Variants in SPOCK3 observed in about 807,000 individuals in gnomAD.
The protein encoded by SPOCK3 is SPARC (osteonectin), cwcv and kazal like domains proteoglycan 3.
A neutral mutation model predicts 56.6 loss-of-function variants in SPOCK3; 30 were observed. That is an observed-to-expected ratio of 0.53 (90% CI 0.40 to 0.72). The LOEUF (loss-of-function observed/expected upper bound fraction) is 0.72. SPOCK3 is among the 30% of genes least tolerant of loss of function. The pLI is 0.00. For missense variants in SPOCK3, 527 were observed against 530.0 expected (o/e 0.99, Z 0.06); for synonymous variants, 196 against 183.3 (o/e 1.07, Z -0.56).
chr4:167,135,687 G>A (rs1260924300), intron 2 of SPOCK3, among the ~76,000 whole-genome samples: 3 of 31,350 alleles, frequency 9.6e-5, no homozygotes, highest in African/African-American at 2.6e-4. Flanking sequence ...AAACGTGTGT[G>A]TGTGTGTGTG....
At chr4:167,217,375 G>A (rs1735469720) in intron 2 of SPOCK3, among the ~76,000 whole-genome samples, 1 of 150,816 alleles carries the variant, frequency 6.6e-6, no homozygotes, top group South Asian at 2.1e-4. Flanking sequence ...GTTGTTTCTT[G>A]GTATTTTTTC....
intron 3 of SPOCK3, among the ~76,000 whole-genome samples, chr4:167,051,150 C>G (rs1754162983): frequency 6.6e-6 from 1 of 152,136 alleles, no homozygotes; most frequent in South Asian, 2.1e-4. Flanking sequence ...TAAGCACACA[C>G]ACCAAAGTGC....
rs538137586 is a variant in SPOCK3, at chr4:166,749,987, G to GTGCA, written c.931+4517_931+4520dup. ...TTCTAATGTCTACTTGAACACCCTC[G>GTGCA]TGCATTTGAGTCTATACCTGAAAAT... On this transcript the variant is annotated intron_variant, in intron 8 of 10. Transcript: ENST00000357545. 4.5e-4 allele frequency among the ~76,000 whole-genome samples: 68 copies of GTGCA among 152,064 alleles called. 1 individual carries two copies. Among genetic ancestry groups the GTGCA allele is most frequent in the African/African-American group, 1.5e-3 (64 of 41,514 alleles).
chr4:166,824,690 G>C (rs954243486), intron 6 of SPOCK3, among the ~76,000 whole-genome samples: 1 of 152,064 alleles, frequency 6.6e-6, no homozygotes, highest in African/African-American at 2.4e-5. Context: ...ATGTTAGCTT[G>C]AGAAGAAGAC....
chr4:167,046,198 G>A (rs1753694864), intron 3 of SPOCK3, among the ~76,000 whole-genome samples: 1 of 151,854 alleles, frequency 6.6e-6, no homozygotes, highest in Non-Finnish European at 1.5e-5. Context: ...ATTCTCTACA[G>A]GAAATGTGTT....
intron 4 of SPOCK3, among the ~76,000 whole-genome samples, chr4:166,934,211 C>T (rs937533266): frequency 2.0e-5 from 3 of 151,958 alleles, no homozygotes; most frequent in East Asian, 3.9e-4. Flanking sequence ...AAAGTCACGG[C>T]CGGGCGCAGT....
intron 3 of SPOCK3, among the ~76,000 whole-genome samples, chr4:167,056,606 T>A (rs1035402347): frequency 4.6e-5 from 7 of 152,210 alleles, no homozygotes; most frequent in Admixed American, 2.0e-4. Context: ...CTGATGGAGC[T>A]GAAAGCCAAG....
intron 4 of SPOCK3, among the ~76,000 whole-genome samples, chr4:166,985,449 T>C (rs997914335): frequency 6.6e-6 from 1 of 152,162 alleles, no homozygotes; most frequent in Non-Finnish European, 1.5e-5. Flanking sequence ...ATAGTGCACA[T>C]CTCCCTTAAA....
intron 7 of SPOCK3, among the ~76,000 whole-genome samples, chr4:166,791,844 A>G (rs1001284686): frequency 6.6e-6 from 1 of 151,768 alleles, no homozygotes; most frequent in Non-Finnish European, 1.5e-5. Flanking sequence ...AAATCTAAGT[A>G]CTCCAATTTT....
At chr4:167,049,339 G>T (rs1010487332) in intron 3 of SPOCK3, among the ~76,000 whole-genome samples, 1 of 152,068 alleles carries the variant, frequency 6.6e-6, no homozygotes, top group African/African-American at 2.4e-5. Context: ...TAGGATATTT[G>T]CTTCTCCACA....
intron 2 of SPOCK3, among the ~76,000 whole-genome samples, chr4:167,224,668 T>C (rs978696438): frequency 2.6e-5 from 4 of 152,172 alleles, no homozygotes; most frequent in African/African-American, 9.7e-5. Context: ...TAAACTTTGT[T>C]GTTTTTTTTT....
Position 167,184,685 on chromosome 4 carries a change from T to A in SPOCK3, c.189+49300A>T, listed in dbSNP as rs578166757. 4.6e-5 allele frequency among the ~76,000 whole-genome samples: 7 copies of A among 152,192 alleles called. No individual in the cohort carries two copies. The East Asian group carries it at 1.4e-3, about 29-fold the overall frequency. On this transcript the variant is annotated intron_variant, in intron 2 of 10. Coordinates refer to ENST00000357545, the MANE Select transcript of SPOCK3 (RefSeq NM_001040159.2). ...ATCACAACTTTTAAAAACTGGAAAA[T>A]AAAACACTTATCACCAGCTTTCCTC...
At chr4:167,021,110 T>A (rs1400903216) in intron 3 of SPOCK3, among the ~76,000 whole-genome samples, 2 of 152,030 alleles carry the variant, frequency 1.3e-5, no homozygotes, top group Non-Finnish European at 2.9e-5. Flanking sequence ...TGAATAAAAA[T>A]TATAAGAATA....
At chr4:166,870,494 C>T (rs529328687) in intron 6 of SPOCK3, among the ~76,000 whole-genome samples, 31 of 151,490 alleles carry the variant, frequency 2.0e-4, no homozygotes, top group African/African-American at 7.0e-4. Context: ...ATAATAAAAA[C>T]GATATTAAGT....
intron 5 of SPOCK3, among the ~76,000 whole-genome samples, chr4:166,903,768 C>T (rs915953974): frequency 6.6e-6 from 1 of 151,982 alleles, no homozygotes; most frequent in Non-Finnish European, 1.5e-5. Flanking sequence ...TGTCAATTCA[C>T]ATAACAAGAC....
chr4:167,168,917 C>T (rs990484627), intron 2 of SPOCK3, among the ~76,000 whole-genome samples: 1 of 152,252 alleles, frequency 6.6e-6, no homozygotes, highest in South Asian at 2.1e-4. Context: ...TAAGTCCCAG[C>T]TACTTTAGCT....
intron 2 of SPOCK3, among the ~76,000 whole-genome samples, chr4:167,158,910 T>C (rs961659925): frequency 6.6e-6 from 1 of 151,988 alleles, no homozygotes; most frequent in Non-Finnish European, 1.5e-5. Flanking sequence ...AACAGTAAAA[T>C]ACCTACTCAT....
chr4:166,869,679 A>T (rs77118427), intron 6 of SPOCK3, among the ~76,000 whole-genome samples: 5,539 of 149,456 alleles, frequency 0.037, 347 homozygotes, highest in African/African-American at 0.13. Flanking sequence ...CCAACATGTA[A>T]GGAGCTTCAA....
At chr4:166,873,654 T>C (rs1192767216) in intron 6 of SPOCK3, among the ~76,000 whole-genome samples, 1 of 152,174 alleles carries the variant, frequency 6.6e-6, no homozygotes, top group Non-Finnish European at 1.5e-5. Flanking sequence ...AATCATAGTG[T>C]AGATAAATTC....
Sources: allele counts gnomAD v4.1 joint callset (sites outside exome capture counted in the v4.1 genomes callset), GRCh38; gene constraint gnomAD v4.1.1; transcripts MANE v1.5; gene names NCBI Gene and HGNC (gene_info 2026-07-23, HGNC 2026-07-21).